VRK2: variants seen among roughly 807,000 people sequenced by gnomAD.
VRK2 encodes serine/threonine-protein kinase VRK2.
Under a neutral mutation model 57.6 loss-of-function variants are expected in VRK2, and 60 were observed. The ratio of observed to expected loss-of-function variants is 1.04; its 90% CI spans 0.85 to 1.29. VRK2 has a LOEUF of 1.29. VRK2 is among the 50% of genes most tolerant of loss of function. VRK2 has a pLI of 0.00. For synonymous variants in VRK2, 231 were observed against 199.2 expected (o/e 1.16, Z -1.35); for missense variants, 705 against 588.1 (o/e 1.20, Z -2.06).
chr2:58,136,826 GTA>G (rs1172675725), intron 10 of VRK2, among the ~76,000 whole-genome samples: 10 of 138,494 alleles, frequency 7.2e-5, no homozygotes, highest in African/African-American at 1.1e-4. Context: ...ATATATGTGT[GTA>G]TATATATCAT....
intron 2 of VRK2, among the ~76,000 whole-genome samples, chr2:58,071,874 TG>T (rs1669406112): frequency 1.3e-5 from 2 of 152,096 alleles, no homozygotes; most frequent in Admixed American, 6.6e-5. Context: ...TTGAGGAGAC[TG>T]ACATCTTAAG....
At chr2:58,023,740 G>T (rs1417987057) in intron 1 of VRK2, among the ~76,000 whole-genome samples, 1 of 151,984 alleles carries the variant, frequency 6.6e-6, no homozygotes, top group African/African-American at 2.4e-5. Flanking sequence ...AGAAATCAAA[G>T]ATTTCTGTTT....
chr2:58,065,667 TG>T (rs1668504085), intron 2 of VRK2, among the ~76,000 whole-genome samples: 3 of 152,138 alleles, frequency 2.0e-5, no homozygotes. Context: ...TAATTGATAT[TG>T]AGCTAAATCT....
upstream of VRK2, among the ~76,000 whole-genome samples, chr2:58,045,745 A>G (rs1417847837): frequency 1.1e-4 from 17 of 152,124 alleles, no homozygotes; most frequent in Non-Finnish European, 1.5e-5. Context: ...TTGTATCCCA[A>G]CCAATTATTG....
At chr2:57,970,210 A>G (rs1199432276) in intron 1 of VRK2, among the ~76,000 whole-genome samples, 2 of 149,006 alleles carry the variant, frequency 1.3e-5, no homozygotes, top group African/African-American at 4.9e-5. Flanking sequence ...ATTTATATTT[A>G]CATATATATA....
Position 58,113,165 on chromosome 2 carries a change from T to G in VRK2, c.544-9936T>G, listed in dbSNP as rs796256689. On this transcript the variant is annotated intron_variant, in intron 7 of 12. Transcript: ENST00000340157. ...CTCTACTAAAAATACAAAAATTAGC[T>G]GGGCGTGGTGGCACACGGCTGTAAT... Among the ~76,000 whole-genome samples the G allele has an allele frequency of 5.9e-5, 9 of 151,856 alleles. 1 individual carries two copies. The highest frequency in any genetic ancestry group is 2.2e-4 in the African/African-American group (9 of 41,418).
chr2:57,913,302 T>C (rs1228641193), intron 1 of VRK2, among the ~76,000 whole-genome samples: 1 of 152,212 alleles, frequency 6.6e-6, no homozygotes, highest in Non-Finnish European at 1.5e-5. Context: ...TGGTAATAGG[T>C]ATTTTATAGG....
intron 12 of VRK2, among the ~76,000 whole-genome samples, chr2:58,154,067 T>C (rs1176462911): frequency 6.6e-6 from 1 of 152,106 alleles, no homozygotes; most frequent in Non-Finnish European, 1.5e-5. Context: ...ATCTGAGCTA[T>C]CAAATTTTTG....
rs568291009 is a variant in VRK2, at chr2:57,978,355, T to C, written c.-438-47310T>C. On this transcript the variant is annotated intron_variant, in intron 1 of 15. Transcript: ENST00000417641. ...TCCTACAAATTCACAGTGTGGGACA[T>C]AATGCTTTACTTTCGATTTGCCTCA... is the stretch of plus-strand genomic sequence containing the variant. Among the ~76,000 whole-genome samples, 53 of 151,212 alleles carry C rather than the reference T, an allele frequency of 3.5e-4. 2 individuals carry two copies. In the South Asian group the frequency reaches 0.011, roughly 31 times the overall value.
chr2:58,003,852 T>A (rs1673162507), intron 1 of VRK2, among the ~76,000 whole-genome samples: 1 of 152,172 alleles, frequency 6.6e-6, no homozygotes, highest in Admixed American at 6.5e-5. Context: ...TACAAAATTT[T>A]AACTTTCTAA....
chr2:58,042,334 A>C (rs138316578), upstream of VRK2, among the ~76,000 whole-genome samples: 512 of 152,260 alleles, frequency 3.4e-3, 8 homozygotes, highest in African/African-American at 0.012. Context: ...CATTTACCTG[A>C]ATTCTATTAT....
chr2:57,968,641 T>A (rs972216028), intron 1 of VRK2, among the ~76,000 whole-genome samples: 1 of 152,114 alleles, frequency 6.6e-6, no homozygotes, highest in African/African-American at 2.4e-5. Flanking sequence ...GAATATACCA[T>A]TTCGTACTTT....
At chr2:58,046,552 C>T, upstream of VRK2, 5 of 985,634 alleles carry the variant, frequency 5.1e-6, no homozygotes, top group Non-Finnish European at 6.0e-6. Context: ...GTTCTTCGTC[C>T]AGACGCTGGC....
At chr2:57,926,678 T>C (rs1670548743) in intron 1 of VRK2, among the ~76,000 whole-genome samples, 1 of 151,906 alleles carries the variant, frequency 6.6e-6, no homozygotes, top group Non-Finnish European at 1.5e-5. Flanking sequence ...CTGCTCTGTT[T>C]TGGTTTCCAC....
intron 2 of VRK2, among the ~76,000 whole-genome samples, chr2:58,078,188 C>CT (rs930264850): frequency 5.3e-5 from 8 of 152,028 alleles, no homozygotes; most frequent in African/African-American, 1.7e-4. Context: ...CAGCATTCTA[C>CT]TTTTTTGTTT....
intron 1 of VRK2, among the ~76,000 whole-genome samples, chr2:58,024,403 G>C (rs544437621): frequency 6.6e-5 from 10 of 151,982 alleles, no homozygotes; most frequent in African/African-American, 2.4e-4. Context: ...AAGTTTTTTT[G>C]GGGGGGTGCT....
upstream of VRK2, among the ~76,000 whole-genome samples, chr2:58,041,962 C>A (rs1674475028): frequency 6.6e-6 from 1 of 152,016 alleles, no homozygotes. Context: ...AACCAATGTA[C>A]ATTTTACAAG....
rs190682324 is a variant in VRK2, at chr2:57,967,141, G to T, written c.-438-58524G>T. Among the ~76,000 whole-genome samples the T allele has an allele frequency of 2.7e-3, 418 of 152,046 alleles. 3 individuals are homozygous for T. Among genetic ancestry groups the T allele is most frequent in the Admixed American group, 0.02 (309 of 15,268 alleles). ...ACGCAAGAACAGAAAACCAAACACC[G>T]CATGTTCTCACTCCTAAGCGGGAGT... On this transcript the variant is annotated intron_variant, in intron 1 of 15. Coordinates refer to the VRK2 transcript ENST00000417641.
chr2:57,929,380 T>A (rs1670645388), intron 1 of VRK2, among the ~76,000 whole-genome samples: 1 of 152,144 alleles, frequency 6.6e-6, no homozygotes, highest in Admixed American at 6.5e-5. Context: ...ACCACCAGTG[T>A]TCACTCAAGG....
Sources: allele counts gnomAD v4.1 joint callset (sites outside exome capture counted in the v4.1 genomes callset), GRCh38; gene constraint gnomAD v4.1.1; transcripts MANE v1.5; gene names NCBI Gene and HGNC (gene_info 2026-07-23, HGNC 2026-07-21).